The following USP10 variants were observed in gnomAD, a reference collection of about 807,000 sequenced individuals.
The protein encoded by USP10 is ubiquitin specific peptidase 10.
A neutral mutation model predicts 84.5 loss-of-function variants in USP10; 22 were observed. The observed-to-expected ratio is 0.26, with a 90% CI of 0.19 to 0.37. The LOEUF is 0.37. USP10 is among the 10% of genes least tolerant of loss of function. USP10 has a pLI of 1.00. For missense variants in USP10, 1,019 were observed against 998.9 expected, an observed-to-expected ratio of 1.02 and a Z score of -0.27; for synonymous variants, 454 against 387.6, an observed-to-expected ratio of 1.17 and a Z score of -2.01.
intron 1 of USP10, among the ~76,000 whole-genome samples, chr16:84,709,708 G>T (rs1567588423): frequency 2.0e-5 from 3 of 152,140 alleles, no homozygotes. Context: ...GGGACTGAAT[G>T]TTGGGCAAAG....
chr16:84,727,728 A>G (rs1403979248), intron 1 of USP10, among the ~76,000 whole-genome samples: 1 of 152,226 alleles, frequency 6.6e-6, no homozygotes, highest in East Asian at 1.9e-4. Flanking sequence ...TATTTTTCCA[A>G]ACCCTTTGAG....
At chr16:84,753,307 C>T (rs769837533) in intron 4 of USP10, among the ~76,000 whole-genome samples, 17 of 152,050 alleles carry the variant, frequency 1.1e-4, no homozygotes, top group Non-Finnish European at 2.5e-4. Context: ...TAAAACTTGT[C>T]AAGATTTTAA....
intron 12 of USP10, 114 bp downstream of exon 12, chr16:84,772,799 C>T (rs970380171): frequency 2.4e-5 from 32 of 1,356,150 alleles, no homozygotes; most frequent in South Asian, 3.0e-5. Context: ...TCTTGCTGGA[C>T]GTGGACTTGT....
intron 2 of USP10, 71 bp downstream of exon 2, chr16:84,733,574 GT>G (rs571034552): frequency 3.4e-6 from 4 of 1,188,580 alleles, no homozygotes; most frequent in Admixed American, 2.5e-5. Context: ...ATTTTAATTT[GT>G]TTTTTTAAAT....
At chr16:84,737,192 C>G (rs1449486941) in intron 2 of USP10, among the ~76,000 whole-genome samples, 1 of 152,214 alleles carries the variant, frequency 6.6e-6, no homozygotes, top group African/African-American at 2.4e-5. Flanking sequence ...GACTTCAGAA[C>G]ATGACCTTCC....
chr16:84,765,101 T>C (rs76457974), intron 10 of USP10, among the ~76,000 whole-genome samples: 10,538 of 150,372 alleles, frequency 0.07, 388 homozygotes, highest in African/African-American at 0.076. Context: ...AACCAAACCA[T>C]GTGTTTTGGT....
chr16:84,721,926 C>T (rs1567600230), intron 1 of USP10, among the ~76,000 whole-genome samples: 2 of 152,186 alleles, frequency 1.3e-5, no homozygotes, highest in Non-Finnish European at 2.9e-5. Flanking sequence ...TTGAACTCCT[C>T]TCAAGTGATC....
At chr16:84,731,097 AG>A (rs1909164588) in intron 1 of USP10, among the ~76,000 whole-genome samples, 1 of 148,254 alleles carries the variant, frequency 6.7e-6, no homozygotes, top group Non-Finnish European at 1.5e-5. Flanking sequence ...CTCCTGCATC[AG>A]CCTCCTGAGT....
intron 2 of USP10, among the ~76,000 whole-genome samples, chr16:84,736,664 C>A (rs1004875255): frequency 6.6e-6 from 1 of 152,188 alleles, no homozygotes; most frequent in East Asian, 1.9e-4. Context: ...TTGGAAGTAG[C>A]ACACATCCCA....
At chr16:84,704,902 C>T (rs1250861713) in intron 1 of USP10, 2 of 1,535,604 alleles carry the variant, frequency 1.3e-6, no homozygotes, top group African/African-American at 1.4e-5. Context: ...GCTGTTACAG[C>T]CTGAATTCCT....
rs111755649 is a variant in USP10 at position 84,740,283 on chromosome 16, A to G, written c.91-26A>G. On this transcript the variant is annotated intron_variant, in intron 2 of 13. Transcript: ENST00000219473. Reference sequence around the variant, plus strand: ...TGGTTTTAACATTTTGTTGAATTAAAATTTGTTTTCTGATTCCTTGTGCAG... The same window carrying G: ...TGGTTTTAACATTTTGTTGAATTAAGATTTGTTTTCTGATTCCTTGTGCAG... 3.8e-6 allele frequency: 6 copies of G among 1,599,938 alleles called. No homozygotes were observed. In the African/African-American group the frequency reaches 8.1e-5, roughly 21 times the overall value.
At chr16:84,755,608 C>A (rs985856386) in intron 4 of USP10, among the ~76,000 whole-genome samples, 8 of 152,032 alleles carry the variant, frequency 5.3e-5, no homozygotes, top group African/African-American at 1.9e-4. Context: ...TGCACTCCAG[C>A]CTGGGTAATA....
intron 1 of USP10, chr16:84,704,876 A>C (rs1319441892): frequency 3.3e-6 from 5 of 1,535,698 alleles, no homozygotes; most frequent in African/African-American, 1.4e-5. Context: ...GTGTTGAGAT[A>C]GAAATGTGGT....
intron 2 of USP10, among the ~76,000 whole-genome samples, chr16:84,734,242 A>G (rs932378281): frequency 1.3e-5 from 2 of 149,380 alleles, no homozygotes; most frequent in Admixed American, 6.9e-5. Context: ...TCAGCAGTGC[A>G]TGGGAGTTTT....
intron 10 of USP10, among the ~76,000 whole-genome samples, chr16:84,764,578 C>T (rs547294351): frequency 6.6e-6 from 1 of 152,240 alleles, no homozygotes; most frequent in South Asian, 2.1e-4. Context: ...TGCCTGTAAT[C>T]CCAGGACTTT....
chr16:84,705,202 G>T (rs1313256597), intron 1 of USP10, among the ~76,000 whole-genome samples: 2 of 152,102 alleles, frequency 1.3e-5, no homozygotes, highest in Non-Finnish European at 2.9e-5. Flanking sequence ...ATAAAAAGGT[G>T]AGTGTCCCCA....
chr16:84,757,874 G>T (rs1912770178), intron 4 of USP10, among the ~76,000 whole-genome samples: 1 of 152,094 alleles, frequency 6.6e-6, no homozygotes, highest in South Asian at 2.1e-4. Flanking sequence ...GATTACTAAG[G>T]ATTAAGTCCA....
intron 1 of USP10, among the ~76,000 whole-genome samples, chr16:84,700,427 G>A (rs886547797): frequency 2.6e-5 from 4 of 151,954 alleles, no homozygotes; most frequent in African/African-American, 9.7e-5. Flanking sequence ...AGCCCGGGGT[G>A]TGGAGTGGGG....
rs1463977051 is a variant in USP10, at chr16:84,729,598, C to T, written c.22-3837C>T. On this transcript the variant is annotated intron_variant, in intron 1 of 13. Coordinates refer to ENST00000219473, the MANE Select transcript of USP10 (RefSeq NM_005153.3). ...GTTCCCCGGGAGGCTGAGCGCCTTG[C>T]AGAGATGCTCTTAAACCCTTGGCAC... 2.0e-5 allele frequency among the ~76,000 whole-genome samples: 3 copies of T among 152,206 alleles called. No homozygotes were observed. The East Asian group carries it at 5.8e-4, about 29-fold the overall frequency.
Sources: gnomAD v4.1 joint callset for allele counts (sites outside exome capture counted in the v4.1 genomes callset) on GRCh38, gnomAD v4.1.1 for gene constraint, MANE v1.5 for transcripts, NCBI Gene and HGNC (gene_info 2026-07-23, HGNC 2026-07-21) for gene names.